PRKN: variants seen among roughly 807,000 people sequenced by gnomAD.
PRKN encodes E3 ubiquitin-protein ligase parkin.
PRKN carries 56 observed loss-of-function variants against 59.5 expected under a neutral mutation model. The observed-to-expected ratio is 0.94, with a 90% confidence interval of 0.76 to 1.18. PRKN has a LOEUF of 1.18. PRKN is among the 50% of genes most tolerant of loss of function. The pLI is 0.00. For synonymous variants in PRKN, 250 were observed against 222.1 expected, an observed-to-expected ratio of 1.13 and a Z score of -1.12; for missense variants, 657 against 596.4, an observed-to-expected ratio of 1.10 and a Z score of -1.06.
At chr6:162,192,307 G>A (rs543858238) in intron 4 of PRKN, among the ~76,000 whole-genome samples, 4 of 152,000 alleles carry the variant, frequency 2.6e-5, no homozygotes, top group African/African-American at 9.7e-5. Context: ...TACTGGCTTG[G>A]TGTACCTCAT....
intron 4 of PRKN, among the ~76,000 whole-genome samples, chr6:162,077,187 T>C (rs977867246): frequency 2.0e-5 from 3 of 152,110 alleles, no homozygotes; most frequent in Non-Finnish European, 2.9e-5. Context: ...TCATTGAAAA[T>C]TGTTCAAATG....
At chr6:162,497,449 A>T (rs1365761336) in intron 1 of PRKN, among the ~76,000 whole-genome samples, 1 of 152,262 alleles carries the variant, frequency 6.6e-6, no homozygotes, top group Non-Finnish European at 1.5e-5. Flanking sequence ...GAGCCCAGAG[A>T]TAAATTCCCA....
intron 2 of PRKN, among the ~76,000 whole-genome samples, chr6:162,376,659 C>T (rs950158208): frequency 2.0e-5 from 3 of 149,540 alleles, no homozygotes; most frequent in Admixed American, 6.7e-5. Context: ...TGTAAACATA[C>T]TAGACAGCAA....
rs576889071 is a variant in PRKN, at chr6:162,081,648, G to A, written c.535-27474C>T. ...CAGTAAACTTAGCATAATCTTAAGG[G>A]ACCTAGGATTTTCAAAATGGTAAAT... On this transcript the variant is annotated intron_variant, in intron 4 of 11. Coordinates refer to ENST00000366898, the MANE Select transcript of PRKN (RefSeq NM_004562.3). 2.0e-4 allele frequency among the ~76,000 whole-genome samples: 30 copies of A among 152,160 alleles called. No homozygotes were observed. In the South Asian group the frequency reaches 3.1e-3, roughly 16 times the overall value.
At chr6:161,539,370 C>A (rs1220551203) in intron 9 of PRKN, among the ~76,000 whole-genome samples, 3 of 144,064 alleles carry the variant, frequency 2.1e-5, no homozygotes, top group Non-Finnish European at 3.2e-5. Flanking sequence ...TTGCTCCTGA[C>A]GCATTCCAGG....
intron 3 of PRKN, among the ~76,000 whole-genome samples, chr6:162,218,866 C>G (rs1777812368): frequency 6.6e-6 from 1 of 152,076 alleles, no homozygotes. Flanking sequence ...TTCTCAGTTG[C>G]CAACCATATG....
At chr6:162,046,204 G>C (rs971016141) in intron 5 of PRKN, among the ~76,000 whole-genome samples, 8 of 152,144 alleles carry the variant, frequency 5.3e-5, no homozygotes, top group African/African-American at 1.9e-4. Context: ...GCCTCGGACT[G>C]ACACGTTTGG....
At chr6:162,468,675 G>A (rs1791557075) in intron 1 of PRKN, among the ~76,000 whole-genome samples, 1 of 152,192 alleles carries the variant, frequency 6.6e-6, no homozygotes, top group African/African-American at 2.4e-5. Flanking sequence ...TTTCAATGCA[G>A]CAAATATTTC....
At chr6:161,675,065 A>T (rs1197923131) in intron 7 of PRKN, among the ~76,000 whole-genome samples, 1 of 152,242 alleles carries the variant, frequency 6.6e-6, no homozygotes, top group African/African-American at 2.4e-5. Flanking sequence ...CTCTGGTTTC[A>T]TTCTCCAGGC....
intron 7 of PRKN, among the ~76,000 whole-genome samples, chr6:161,596,868 C>T (rs1781933460): frequency 6.6e-6 from 1 of 152,152 alleles, no homozygotes; most frequent in South Asian, 2.1e-4. Context: ...GGCCTGAGAG[C>T]CTTCCATGTC....
chr6:162,089,497 T>G (rs1178647120), intron 4 of PRKN, among the ~76,000 whole-genome samples: 1 of 152,190 alleles, frequency 6.6e-6, no homozygotes, highest in African/African-American at 2.4e-5. Context: ...TGGCATACCT[T>G]AAAATAGTGT....
chr6:161,890,973 G>A (rs1209875815), intron 6 of PRKN, among the ~76,000 whole-genome samples: 3 of 152,096 alleles, frequency 2.0e-5, no homozygotes, highest in East Asian at 1.9e-4. Flanking sequence ...GTGATCTATC[G>A]TCAGAGTTTC....
At chr6:161,512,992 G>C (rs554473981) in intron 9 of PRKN, among the ~76,000 whole-genome samples, 134 of 152,180 alleles carry the variant, frequency 8.8e-4, no homozygotes, top group Admixed American at 8.3e-3. Flanking sequence ...CCTTCCTCTT[G>C]CCTCTCAGAG....
chr6:162,246,190 C>A (rs1343513173), intron 3 of PRKN, among the ~76,000 whole-genome samples: 1 of 152,072 alleles, frequency 6.6e-6, no homozygotes, highest in East Asian at 1.9e-4. Flanking sequence ...CCTAATCCAA[C>A]TGTATTTGAT....
chr6:162,067,860 T>C (rs1000559718), intron 4 of PRKN, among the ~76,000 whole-genome samples: 1 of 152,246 alleles, frequency 6.6e-6, no homozygotes, highest in Non-Finnish European at 1.5e-5. Context: ...AGTCCATTTA[T>C]CATAAAAGTA....
rs140690589 is a variant in PRKN, at chr6:162,625,690, G to GTA, written c.7+101970_7+101971dup. Among the ~76,000 whole-genome samples, 466 of 151,714 alleles carry GTA rather than the reference G, an allele frequency of 3.1e-3. 6 individuals carry two copies. The highest frequency in any genetic ancestry group is 0.01 in the African/African-American group (434 of 41,382). On this transcript the variant is annotated intron_variant, in intron 1 of 11. Transcript: ENST00000366898. Reference sequence around the variant, plus strand: ...GTATTTATGTATGTGTGTGTATCATGTATATATATGTGTGTGTGTGTGTAT... The same window carrying GTA: ...GTATTTATGTATGTGTGTGTATCATGTATATATATATGTGTGTGTGTGTGTAT...
At chr6:162,596,181 T>TA (rs1206395659) in intron 1 of PRKN, among the ~76,000 whole-genome samples, 1 of 152,190 alleles carries the variant, frequency 6.6e-6, no homozygotes, top group African/African-American at 2.4e-5. Flanking sequence ...CTTATAGGCA[T>TA]AAAACCACTT....
chr6:161,551,781 G>A lies in PRKN; in HGVS notation c.934-2778C>T, dbSNP rs904907773. On this transcript the variant is annotated intron_variant, in intron 8 of 11. Transcript: ENST00000366898. This position sits in a 1 kb window ranked among gnomAD's most constrained non-coding sequence, Gnocchi z 5.2. The stretch of plus-strand genomic sequence containing the variant: ...GACTCTGGGGTTGTAAAGGATTTTC[G>A]AAAATGGAGAAATAACGATATGATA... Among the ~76,000 whole-genome samples the A allele has an allele frequency of 6.6e-6, 1 of 152,152 alleles. No individual in the cohort carries two copies. The highest frequency in any genetic ancestry group is 6.5e-5 in the Admixed American group (1 of 15,268).
At chr6:162,262,473 G>A (rs2128099980) in intron 3 of PRKN, 52 bp downstream of exon 3, 2 of 1,609,104 alleles carry the variant, frequency 1.2e-6, no homozygotes, top group Non-Finnish European at 1.7e-6. Flanking sequence ...CATGCAGACT[G>A]CACTAAACAA....
Sources: allele counts gnomAD v4.1 joint callset (sites outside exome capture counted in the v4.1 genomes callset), GRCh38; gene constraint gnomAD v4.1.1; non-coding constraint Gnocchi (gnomAD v3.1); transcripts MANE v1.5; gene names NCBI Gene and HGNC (gene_info 2026-07-23, HGNC 2026-07-21).